Variants in TAF1A observed in about 807,000 individuals in gnomAD.
TAF1A encodes the protein TATA box-binding protein-associated factor RNA polymerase I subunit A.
A neutral mutation model predicts 61.6 loss-of-function variants in TAF1A; 42 were observed. The ratio of observed to expected loss-of-function variants is 0.68; its 90% CI spans 0.53 to 0.88. The LOEUF is 0.88. Ranked by LOEUF, TAF1A falls within the 40% of genes least tolerant of loss-of-function variation. The probability of loss-of-function intolerance (pLI) is 0.00; values close to 1 mark genes in which losing one functional copy is unlikely to be tolerated. For synonymous variants in TAF1A, 179 were observed against 177.7 expected, an observed-to-expected ratio of 1.01 and a Z score of -0.06; for missense variants, 424 against 518.7, an observed-to-expected ratio of 0.82 and a Z score of 1.77.
chr1:222,565,677 C>T (rs1660087370), intron 7 of TAF1A, among the ~76,000 whole-genome samples: 1 of 152,054 alleles, frequency 6.6e-6, no homozygotes, highest in African/African-American at 2.4e-5. Flanking sequence ...GCCTGGGCAA[C>T]ATAGCAAAAC....
chr1:222,554,425 G>A (rs1456525785), downstream of TAF1A, among the ~76,000 whole-genome samples: 1 of 152,138 alleles, frequency 6.6e-6, no homozygotes, highest in East Asian at 1.9e-4. Flanking sequence ...ATGAATCTTG[G>A]ATTGACTTAT....
downstream of TAF1A, among the ~76,000 whole-genome samples, chr1:222,554,962 T>C (rs1659709991): frequency 2.0e-5 from 3 of 152,150 alleles, no homozygotes; most frequent in South Asian, 6.2e-4. Context: ...ATAACAAAAA[T>C]ATAATTCCAC....
At chr1:222,584,389 A>G in intron 2 of TAF1A, 92 bp from the exon 3 acceptor site, 2 of 1,257,670 alleles carry the variant, frequency 1.6e-6, no homozygotes, top group Non-Finnish European at 2.2e-6. Flanking sequence ...TTTAACAAGT[A>G]AACAGTAGGC....
chr1:222,566,337 C>T lies in TAF1A; in HGVS notation c.895-2212G>A, dbSNP rs370938539. 8.5e-5 allele frequency among the ~76,000 whole-genome samples: 13 copies of T among 152,280 alleles called. 2 individuals carry two copies. The highest frequency in any genetic ancestry group is 1.9e-4 in the East Asian group (1 of 5,194). On this transcript the variant is annotated intron_variant, in intron 7 of 10. Coordinates refer to ENST00000352967, the MANE Select transcript of TAF1A (RefSeq NM_005681.4). ...CTTTTTTGGCACCAGGTCCTGGTTT[C>T]GTGGAAGACAATTTTTCCACAGACC... is the stretch of plus-strand genomic sequence containing the variant.
At chr1:222,587,696 G>A (rs1013058351) in intron 2 of TAF1A, among the ~76,000 whole-genome samples, 1 of 151,986 alleles carries the variant, frequency 6.6e-6, no homozygotes, top group African/African-American at 2.4e-5. Context: ...TAAAAATGGG[G>A]GAAATTTTAT....
intron 6 of TAF1A, 128 bp downstream of exon 6, chr1:222,570,407 G>A (rs1360595412): frequency 2.4e-5 from 23 of 956,832 alleles, no homozygotes; most frequent in Admixed American, 2.0e-4. Context: ...AAGAGACACC[G>A]TATTTTTGCT....
At chr1:222,566,735 T>C (rs1282323714) in intron 7 of TAF1A, among the ~76,000 whole-genome samples, 3 of 151,958 alleles carry the variant, frequency 2.0e-5, no homozygotes, top group Non-Finnish European at 4.4e-5. Flanking sequence ...TCCTAACAGG[T>C]CACAAACAGA....
chr1:222,582,438 G>T (rs553874580), intron 3 of TAF1A, among the ~76,000 whole-genome samples: 21 of 152,302 alleles, frequency 1.4e-4, no homozygotes, highest in Non-Finnish European at 2.4e-4. Flanking sequence ...AGTAAGACAG[G>T]ACAATAACAA....
intron 2 of TAF1A, among the ~76,000 whole-genome samples, chr1:222,586,880 A>C (rs1661037840): frequency 6.6e-6 from 1 of 152,244 alleles, no homozygotes; most frequent in South Asian, 2.1e-4. Flanking sequence ...GTCAATATTA[A>C]TTGCAAGTAT....
intron 10 of TAF1A, among the ~76,000 whole-genome samples, chr1:222,559,190 T>C (rs1659815501): frequency 1.3e-5 from 2 of 152,244 alleles, no homozygotes; most frequent in Non-Finnish European, 2.9e-5. Flanking sequence ...TCCTTCTCAA[T>C]GTTAGCTTGT....
chr1:222,571,447 A>G (rs774820594), intron 5 of TAF1A, among the ~76,000 whole-genome samples: 13 of 152,132 alleles, frequency 8.5e-5, no homozygotes, highest in Non-Finnish European at 1.9e-4. Context: ...AACTATCTCT[A>G]TTTGCAGATG....
At chr1:222,572,520 G>C (rs954636229) in intron 5 of TAF1A, among the ~76,000 whole-genome samples, 1 of 152,046 alleles carries the variant, frequency 6.6e-6, no homozygotes. Flanking sequence ...ACCACACTCA[G>C]CTAATTTTTG....
At chr1:222,584,698 C>A (rs903814213) in intron 2 of TAF1A, among the ~76,000 whole-genome samples, 3 of 152,106 alleles carry the variant, frequency 2.0e-5, no homozygotes, top group African/African-American at 7.2e-5. Context: ...GTTCTGCAAA[C>A]CCCAAGTGGG....
rs776242382 is a variant in TAF1A, at chr1:222,577,510, T to C, written c.539A>G (p.Gln180Arg). The change falls in exon 5 of 11, where the codon CAG (glutamine) becomes CGG (arginine). Residue 180 changes from glutamine to arginine, a missense_variant. Coordinates refer to ENST00000352967, the MANE Select transcript of TAF1A (RefSeq NM_005681.4). ...SSREILINLI[Q>R]AYKGLLQYYT... ...ATACTGTAAAAGCCCTTTATAGGCC[T>C]GAATAAGGTTGATTAATATTTCCCG... is the stretch of plus-strand genomic sequence containing the variant. The C allele has an allele frequency of 4.3e-6, 7 of 1,613,996 alleles. No individual in the cohort carries two copies. The East Asian group carries it at 1.3e-4, about 31-fold the overall frequency.
At chr1:222,579,619 T>C in intron 4 of TAF1A, 140 bp downstream of exon 4, 1 of 1,042,758 alleles carries the variant, frequency 9.6e-7, no homozygotes, top group Non-Finnish European at 1.4e-6. Context: ...TAACGCTCTT[T>C]TCTTTCAGTT....
intron 2 of TAF1A, among the ~76,000 whole-genome samples, chr1:222,586,689 C>T (rs757616330): frequency 6.6e-6 from 1 of 152,212 alleles, no homozygotes; most frequent in East Asian, 1.9e-4. Flanking sequence ...GTCCCAAGCA[C>T]TATCGCAGGT....
At chr1:222,586,215 A>G (rs1661010207) in intron 2 of TAF1A, among the ~76,000 whole-genome samples, 1 of 137,660 alleles carries the variant, frequency 7.3e-6, no homozygotes, top group Admixed American at 7.1e-5. Flanking sequence ...CAGAAGCTGC[A>G]TTTTATAAGA....
At chr1:222,560,967 T>C (rs1419408519) in intron 10 of TAF1A, among the ~76,000 whole-genome samples, 1 of 152,178 alleles carries the variant, frequency 6.6e-6, no homozygotes, top group Non-Finnish European at 1.5e-5. Context: ...TGTTTCACGC[T>C]TACAGAAACA....
At chr1:222,566,625 G>A (rs544114276) in intron 7 of TAF1A, among the ~76,000 whole-genome samples, 7 of 152,146 alleles carry the variant, frequency 4.6e-5, no homozygotes, top group African/African-American at 1.4e-4. Context: ...AATACGGTCC[G>A]GGCTCCTATG....
Sources: allele counts gnomAD v4.1 joint callset (sites outside exome capture counted in the v4.1 genomes callset), GRCh38; gene constraint gnomAD v4.1.1; transcripts MANE v1.5; gene names NCBI Gene and HGNC (gene_info 2026-07-23, HGNC 2026-07-21).